The following CNOT10 variants were observed in gnomAD, a reference collection of about 807,000 sequenced individuals.
CNOT10 encodes CCR4-NOT transcription complex, subunit 10.
CNOT10 carries 30 observed loss-of-function variants against 94.6 expected under a neutral mutation model. That is an observed-to-expected ratio of 0.32 (90% CI 0.24 to 0.43). CNOT10 has a LOEUF of 0.43. Among genes scored for constraint, CNOT10 ranks in the 20% least tolerant of loss-of-function variants. The pLI is 1.00. For missense variants in CNOT10, 759 were observed against 877.2 expected, an observed-to-expected ratio of 0.87 and a Z score of 1.70; for synonymous variants, 289 against 301.6, an observed-to-expected ratio of 0.96 and a Z score of 0.43.
intron 12 of CNOT10, among the ~76,000 whole-genome samples, chr3:32,735,642 G>A (rs1031417495): frequency 6.6e-6 from 1 of 152,132 alleles, no homozygotes; most frequent in African/African-American, 2.4e-5. Flanking sequence ...GGGAGGCAGA[G>A]GTTGCAGTGA....
chr3:32,687,420 C>G (rs112441784), intron 1 of CNOT10, among the ~76,000 whole-genome samples: 2,526 of 132,634 alleles, frequency 0.019, 49 homozygotes, highest in East Asian at 0.045. Context: ...TATTTTCTTT[C>G]TCCTTTTAAG....
rs181606630 is a variant in CNOT10 at position 32,688,698 on chromosome 3, A to G, written c.22+3216A>G. On this transcript the variant is annotated intron_variant, in intron 1 of 18. Transcript: ENST00000328834. Reference sequence around the variant, plus strand: ...CACTTTGGGTGGCTGAAGTGGGAGGATTGCCTGAGGCCAGGAGTTTGAGAC... The same window carrying G: ...CACTTTGGGTGGCTGAAGTGGGAGGGTTGCCTGAGGCCAGGAGTTTGAGAC... Among the ~76,000 whole-genome samples the G allele has an allele frequency of 5.4e-3, 818 of 152,110 alleles. 6 individuals carry two copies. Among genetic ancestry groups the G allele is most frequent in the South Asian group, 0.012 (58 of 4,822 alleles).
intron 3 of CNOT10, 39 bp downstream of exon 3, chr3:32,705,011 C>G (rs745746921): frequency 3.3e-5 from 43 of 1,321,878 alleles, no homozygotes; most frequent in Non-Finnish European, 3.8e-5. Flanking sequence ...AAATATTGTT[C>G]TGTTCTTTAA....
chr3:32,722,813 G>A (rs1458910378), intron 8 of CNOT10, among the ~76,000 whole-genome samples: 1 of 151,126 alleles, frequency 6.6e-6, no homozygotes, highest in Admixed American at 6.6e-5. Context: ...GAGAAACCCC[G>A]TCTCTACACA....
chr3:32,706,036 C>T (rs1559482511), intron 3 of CNOT10, among the ~76,000 whole-genome samples: 2 of 152,036 alleles, frequency 1.3e-5, no homozygotes, highest in East Asian at 1.9e-4. Flanking sequence ...GTTTTAAAAC[C>T]AGAATTTAGG....
Position 32,721,060 on chromosome 3 carries a change from C to CTTT in CNOT10, c.862+846_862+848dup, listed in dbSNP as rs377750318. Among the ~76,000 whole-genome samples, 130 of 97,662 alleles carry CTTT rather than the reference C, an allele frequency of 1.3e-3. 3 individuals carry two copies. The highest frequency in any genetic ancestry group is 1.7e-3 in the Non-Finnish European group (91 of 52,886). The allele number at this position is 97,662 out of a possible 152,430, so 64.1% of individuals were successfully genotyped here. Reference sequence around the variant, plus strand: ...TTCCTTCCCTTCCTTTCTTTCCTTTCTTTTTTTTTTTTTTTTTTTGACAGA... The same window carrying CTTT: ...TTCCTTCCCTTCCTTTCTTTCCTTTCTTTTTTTTTTTTTTTTTTTTTTGACAGA... On this transcript the variant is annotated intron_variant, in intron 8 of 18. Transcript: ENST00000328834.
At chr3:32,759,193 G>A (rs543796355) in intron 13 of CNOT10, among the ~76,000 whole-genome samples, 30 of 150,942 alleles carry the variant, frequency 2.0e-4, no homozygotes, top group African/African-American at 7.4e-4. Context: ...ATACATACAG[G>A]CTATGTATTG....
intron 12 of CNOT10, among the ~76,000 whole-genome samples, chr3:32,735,236 GT>G (rs1699132844): frequency 6.6e-6 from 1 of 152,172 alleles, no homozygotes; most frequent in Non-Finnish European, 1.5e-5. Context: ...ATGCCTGCCT[GT>G]AAAAGGCTGA....
intron 1 of CNOT10, among the ~76,000 whole-genome samples, chr3:32,687,439 G>GTTTTTTGTTTTGTTTTTTTTTT (rs1696653694): frequency 1.9e-5 from 1 of 51,318 alleles, no homozygotes. Context: ...AGTCCTCACG[G>GTTTTTTGTTTTGTTTTTTTTTT]TTTTTTTTTT....
intron 13 of CNOT10, among the ~76,000 whole-genome samples, chr3:32,748,983 A>C (rs1198304197): frequency 6.6e-6 from 1 of 151,806 alleles, no homozygotes; most frequent in Non-Finnish European, 1.5e-5. Context: ...AACCACACCC[A>C]GCTAATTTTT....
chr3:32,704,921 C>A lies in CNOT10; in HGVS notation c.228C>A (p.Asn76Lys). 1 of 1,561,240 alleles carries A rather than the reference C, an allele frequency of 6.4e-7. No individual in the cohort carries two copies. The highest frequency in any genetic ancestry group is 2.4e-5 in the East Asian group (1 of 42,308). The change falls in exon 3 of 19, where the codon AAC becomes AAA. Residue 76 changes from asparagine to lysine, a missense_variant. Transcript: ENST00000328834. ...NTAVAEFFKSNQTTTDNLRQT... is the reference protein window; with the variant it reads ...NTAVAEFFKSKQTTTDNLRQT... ...CAGTAGCTGAGTTTTTTAAAAGTAA[C>A]CAAACAACAACAGATAATTTGAGAC...
intron 10 of CNOT10, among the ~76,000 whole-genome samples, chr3:32,728,635 TAA>T (rs1449494334): frequency 1.3e-5 from 2 of 151,862 alleles, no homozygotes; most frequent in Non-Finnish European, 2.9e-5. Context: ...AATAAAAATT[TAA>T]AAAGTCATTT....
At chr3:32,748,548 T>A (rs1699811710) in intron 13 of CNOT10, among the ~76,000 whole-genome samples, 1 of 152,222 alleles carries the variant, frequency 6.6e-6, no homozygotes, top group African/African-American at 2.4e-5. Flanking sequence ...AGTCTCACTC[T>A]GTGGCCCAGG....
intron 15 of CNOT10, 123 bp from the exon 16 acceptor site, chr3:32,764,332 A>T (rs1700574834): frequency 4.2e-6 from 4 of 943,268 alleles, no homozygotes; most frequent in Middle Eastern, 4.6e-4. Context: ...GCGAGGCTCC[A>T]TCTCAAAAAA....
chr3:32,695,969 G>T (rs1697040773), intron 1 of CNOT10: 1 of 37,308 alleles, frequency 2.7e-5, no homozygotes, highest in Non-Finnish European at 5.5e-5. Context: ...GTTGAAGAGA[G>T]TGTGTGTGTG....
At chr3:32,703,591 A>G (rs1178388236) in intron 1 of CNOT10, among the ~76,000 whole-genome samples, 1 of 152,130 alleles carries the variant, frequency 6.6e-6, no homozygotes, top group African/African-American at 2.4e-5. Context: ...TGTGTGTCCA[A>G]GGGGGAGGTA....
In CNOT10 at chr3:32,685,438, A is replaced by G; in HGVS notation, c.-23A>G. The G allele has an allele frequency of 6.5e-7, 1 of 1,550,162 alleles. No homozygotes were observed. On this transcript the variant is annotated 5_prime_UTR_variant, in exon 1 of 19. Coordinates refer to ENST00000328834, the MANE Select transcript of CNOT10 (RefSeq NM_015442.3). The stretch of plus-strand genomic sequence containing the variant: ...GTCAGGGCCACGCCACCTGCAGGGA[A>G]GAACCCGAGTCGAAGCGGGAAGATG...
intron 8 of CNOT10, among the ~76,000 whole-genome samples, chr3:32,724,837 G>A (rs1698596514): frequency 6.6e-6 from 1 of 151,852 alleles, no homozygotes; most frequent in African/African-American, 2.4e-5. Context: ...GGGATTACAG[G>A]CATGAGCCAT....
intron 13 of CNOT10, among the ~76,000 whole-genome samples, chr3:32,739,697 G>T (rs1356015151): frequency 2.0e-5 from 3 of 152,112 alleles, no homozygotes; most frequent in East Asian, 1.9e-4. Flanking sequence ...TGCAGAGGCA[G>T]GCAGATCAGC....
Sources: gnomAD v4.1 joint callset for allele counts (sites outside exome capture counted in the v4.1 genomes callset) on GRCh38, gnomAD v4.1.1 for gene constraint, MANE v1.5 for transcripts, NCBI Gene and HGNC (gene_info 2026-07-23, HGNC 2026-07-21) for gene names.